The following HSPG2 variants were observed in gnomAD, a reference collection of about 807,000 sequenced individuals.
The protein encoded by HSPG2 is basement membrane-specific heparan sulfate proteoglycan core protein.
HSPG2 carries 278 observed loss-of-function variants against 526.6 expected under a neutral mutation model. The observed-to-expected ratio is 0.53, with a 90% CI of 0.48 to 0.58. The LOEUF is 0.58. HSPG2 is among the 20% of genes least tolerant of loss of function. The probability of loss-of-function intolerance (pLI) is 0.00; values close to 1 mark genes in which losing one functional copy is unlikely to be tolerated. For synonymous variants in HSPG2, 2,465 were observed against 2,555.4 expected (o/e 0.96, Z 1.07); for missense variants, 5,354 against 6,099.5 (o/e 0.88, Z 4.07).
At position 21,896,264 on chromosome 1, in the gene HSPG2, T is replaced by C; in HGVS notation, c.110A>G (p.Asp37Gly). The change falls in exon 2 of 97, where the codon GAC (aspartate) becomes GGC (glycine). Residue 37 changes from aspartate to glycine, a missense_variant. By Grantham distance (94) the Asp-to-Gly change is moderately conservative (BLOSUM62 -1). Transcript: ENST00000374695. ...RAYDGLSLPE[D>G]IETVTASQMR... ...TTGGCTTGCTGTGACGGTCTCTATG[T>C]CCTCAGGCAGAGACAAGCCATCGTA... 2 of 1,613,912 alleles carry C rather than the reference T, an allele frequency of 1.2e-6. No individual in the cohort carries two copies.
In HSPG2 at chr1:21,835,016, T is replaced by C. The variant is rs1285694212; in HGVS notation, c.10454-71A>G. Reference sequence around the variant, plus strand: ...GCCTGGCCCGAGGGAGGCCATAGACTGCCCAAGGAAAGGTGAGCACTGAAG... The same window carrying C: ...GCCTGGCCCGAGGGAGGCCATAGACCGCCCAAGGAAAGGTGAGCACTGAAG... On this transcript the variant is annotated intron_variant, in intron 76 of 96. Transcript: ENST00000374695. 3 of 1,563,718 alleles carry C rather than the reference T, an allele frequency of 1.9e-6. No individual in the cohort carries two copies. In the South Asian group the frequency reaches 3.3e-5, roughly 17 times the overall value.
chr1:21,839,093 G>C lies in HSPG2; in HGVS notation c.9890-8C>G, dbSNP rs1220560634. ...TGGTGGCATATGGTGGGCCTGAGTG[G>C]GGGGACACAGAGGTCAGGATTGGGG... On this transcript the variant is annotated splice_region_variant and splice_polypyrimidine_tract_variant and intron_variant, in intron 73 of 96. Transcript: ENST00000374695. This position sits in a 1 kb window ranked among gnomAD's most constrained non-coding sequence, Gnocchi z 4.5. The C allele has an allele frequency of 6.4e-7, 1 of 1,574,112 alleles. No homozygotes were observed. The highest frequency in any genetic ancestry group is 2.3e-5 in the East Asian group (1 of 44,286).
Position 21,872,774 on chromosome 1 carries a change from T to G in HSPG2, c.3889-14A>C. ...TTCCACCTGGGCCTGGGTAGACGGA[T>G]GGAAGGAGGCAGGCAGGGGACTCAG... On this transcript the variant is annotated splice_polypyrimidine_tract_variant and intron_variant, in intron 31 of 96. Transcript: ENST00000374695. The surrounding 1 kb of genome is among the most constrained non-coding windows in gnomAD (Gnocchi z 5.5). 6.2e-7 allele frequency: 1 copy of G among 1,606,554 alleles called. No individual in the cohort carries two copies. The highest frequency in any genetic ancestry group is 8.5e-7 in the Non-Finnish European group (1 of 1,177,422).
At chr1:21,877,216 G>C (rs1036904854) in intron 21 of HSPG2, among the ~76,000 whole-genome samples, 1 of 152,098 alleles carries the variant, frequency 6.6e-6, no homozygotes, top group African/African-American at 2.4e-5. Context: ...ATTTAGACTT[G>C]AAATACAGCG....
At chr1:21,912,494 G>T (rs1643729799) in intron 1 of HSPG2, among the ~76,000 whole-genome samples, 1 of 152,070 alleles carries the variant, frequency 6.6e-6, no homozygotes, top group African/African-American at 2.4e-5. Flanking sequence ...AAGCTGGGAG[G>T]GATCACCTAG....
At chr1:21,910,322 C>T (rs1643594536) in intron 1 of HSPG2, among the ~76,000 whole-genome samples, 1 of 152,182 alleles carries the variant, frequency 6.6e-6, no homozygotes, top group Admixed American at 6.5e-5. Flanking sequence ...CTGTACTGTT[C>T]CCCACCTCCC....
At chr1:21,910,148 T>G (rs1039900035) in intron 1 of HSPG2, among the ~76,000 whole-genome samples, 1 of 152,208 alleles carries the variant, frequency 6.6e-6, no homozygotes, top group African/African-American at 2.4e-5. Flanking sequence ...GCGATGTTGG[T>G]TCCTCCCTGG....
intron 20 of HSPG2, 43 bp downstream of exon 20, chr1:21,878,390 G>T: frequency 1.3e-6 from 2 of 1,587,924 alleles, no homozygotes; most frequent in Non-Finnish European, 8.6e-7. Context: ...GCCCAGGTTG[G>T]GTTGGGAGGT....
chr1:21,830,001 C>T lies in HSPG2; in HGVS notation c.11762G>A (p.Cys3921Tyr). 1.2e-6 allele frequency: 2 copies of T among 1,608,270 alleles called. No individual in the cohort carries two copies. Among genetic ancestry groups the T allele is most frequent in the Non-Finnish European group, 1.7e-6 (2 of 1,178,008 alleles). Residue 3921 changes from cysteine (C) to tyrosine (Y), a missense_variant, in exon 86 of 97, where the codon TGT becomes TAT. By Grantham distance (194) the Cys-to-Tyr change is radical. Coordinates refer to ENST00000374695, the MANE Select transcript of HSPG2 (RefSeq NM_005529.7). ...GGCCTGGCTCCCCTCACCTTCCTCA[C>T]ACCGCAACCCCGAGCGGCCCAGGTG... is the stretch of plus-strand genomic sequence containing the variant. The part of the protein sequence containing the change: ...RCHLGRSGLR[C>Y]EEGVTVTTPS...
In HSPG2 at chr1:21,854,957, C is replaced by G; in HGVS notation, c.6024G>C (p.Ala2008=). The G allele has an allele frequency of 6.2e-7, 1 of 1,613,742 alleles. No individual in the cohort carries two copies. Among genetic ancestry groups the G allele is most frequent in the Non-Finnish European group, 8.5e-7 (1 of 1,180,038 alleles). The change falls in exon 48 of 97, where the codon GCG becomes GCC. Residue 2008 remains alanine, a synonymous_variant. Coordinates refer to ENST00000374695, the MANE Select transcript of HSPG2 (RefSeq NM_005529.7). Reference sequence around the variant, plus strand: ...TCGTGATGGCTGGGATGAGCAGTGTCGCGATGTCTGTGCGCTCTGACCGGG... The same window carrying G: ...TCGTGATGGCTGGGATGAGCAGTGTGGCGATGTCTGTGCGCTCTGACCGGG... The part of the protein sequence containing the change: ...PQARSERTDI[A]TLLIPAITTA...
rs1047896797 is a variant in HSPG2, at chr1:21,865,567, C to T, written c.4314+150G>A. 1.2e-6 allele frequency: 1 copy of T among 869,018 alleles called. No individual in the cohort carries two copies. Among genetic ancestry groups the T allele is most frequent in the Non-Finnish European group, 1.9e-6 (1 of 518,968 alleles). The allele number at this position is 869,018 out of a possible 1,614,324, so 53.8% of individuals were successfully genotyped here. A position where few individuals can be genotyped will look rare whatever the true frequency, so the allele number is the denominator to read the frequency against. ...ATCCTCTGCTTGGGTAGTGTCCAAC[C>T]AGGCAGGGATGTGGGGGCATGGGCC... On this transcript the variant is annotated intron_variant, in intron 34 of 96. Transcript: ENST00000374695. This position sits in a 1 kb window ranked among gnomAD's most constrained non-coding sequence, Gnocchi z 5.4.
Position 21,846,528 on chromosome 1 carries a change from G to A in HSPG2, c.8236C>T (p.Leu2746=). ...GCCTGCCCGGGGACCACGCAGTTCAGATCCAGGGTCTCCCCTTCGGCCACG... is the reference window on the plus strand; with the variant it reads ...GCCTGCCCGGGGACCACGCAGTTCAAATCCAGGGTCTCCCCTTCGGCCACG... The part of the protein sequence containing the change: ...SHVAEGETLD[L]NCVVPGQAHA... The change falls in exon 63 of 97, where the codon CTG becomes TTG. Residue 2746 remains leucine (L), a synonymous_variant. Coordinates refer to ENST00000374695, the MANE Select transcript of HSPG2 (RefSeq NM_005529.7). The A allele has an allele frequency of 1.2e-6, 2 of 1,613,790 alleles. No individual in the cohort carries two copies. The highest frequency in any genetic ancestry group is 2.2e-5 in the East Asian group (1 of 44,884).
Position 21,827,888 on chromosome 1 carries a change from C to A in HSPG2, c.12564G>T (p.Trp4188Cys). The A allele has an allele frequency of 1.3e-6, 2 of 1,593,978 alleles. No homozygotes were observed. The highest frequency in any genetic ancestry group is 1.7e-6 in the Non-Finnish European group (2 of 1,170,478). ...CATTGCCCCCGCTGCCTTCAAGATG[C>A]CAGTCGGACTCTGCTATGCCATGTC... ...GSGHGIAESD[W>C]HLEGSGGNDA... The change falls in exon 91 of 97, where the codon TGG becomes TGT. Residue 4188 changes from tryptophan to cysteine, a missense_variant. Trp to Cys is a radical substitution (Grantham distance 215). Transcript: ENST00000374695.
In HSPG2 at chr1:21,876,244, G is replaced by T; in HGVS notation, c.2988C>A (p.Arg996=). ...CACTACCCACCTTGTCCCCCAGGAA[G>T]CGTGAAGGGAGGCTCCAGAAGTAGG... The part of the protein sequence containing the change: ...SGPYFWSLPS[R]FLGDKVTSYG... Residue 996 remains arginine (R), a synonymous_variant, in exon 23 of 97, where the codon CGC becomes CGA. Coordinates refer to ENST00000374695, the MANE Select transcript of HSPG2 (RefSeq NM_005529.7). 1 of 1,610,934 alleles carries T rather than the reference G, an allele frequency of 6.2e-7. No individual in the cohort carries two copies. Among genetic ancestry groups the T allele is most frequent in the East Asian group, 2.2e-5 (1 of 44,818 alleles).
chr1:21,919,612 T>C (rs1211917412), intron 1 of HSPG2, among the ~76,000 whole-genome samples: 1 of 151,994 alleles, frequency 6.6e-6, no homozygotes, highest in East Asian at 1.9e-4. Flanking sequence ...CAGGGGTGGT[T>C]TTCAGGATGA....
At chr1:21,920,069 G>A (rs1257498629) in intron 1 of HSPG2, among the ~76,000 whole-genome samples, 1 of 152,154 alleles carries the variant, frequency 6.6e-6, no homozygotes, top group African/African-American at 2.4e-5. Context: ...ACCACACCCA[G>A]CTAATTTTCA....
chr1:21,908,512 C>T (rs1268150820), intron 1 of HSPG2: 5 of 964,002 alleles, frequency 5.2e-6, no homozygotes, highest in African/African-American at 4.8e-5. Context: ...CAGCAAAGCA[C>T]ACTTTGTGAG....
At chr1:21,857,221 A>C in intron 43 of HSPG2, 26 bp from the exon 44 acceptor site, 1 of 1,613,980 alleles carries the variant, frequency 6.2e-7, no homozygotes, top group East Asian at 2.2e-5. Flanking sequence ...AAAGGGGGTC[A>C]TGGGTGGGGC....
intron 1 of HSPG2, among the ~76,000 whole-genome samples, chr1:21,920,074 T>C (rs1211726249): frequency 6.6e-6 from 1 of 152,148 alleles, no homozygotes; most frequent in East Asian, 1.9e-4. Context: ...ACCCAGCTAA[T>C]TTTCATATTT....
Sources: allele counts gnomAD v4.1 joint callset (sites outside exome capture counted in the v4.1 genomes callset), GRCh38; gene constraint gnomAD v4.1.1; non-coding constraint Gnocchi (gnomAD v3.1); transcripts MANE v1.5; gene names NCBI Gene and HGNC (gene_info 2026-07-23, HGNC 2026-07-21).